The following MAP2K6 variants were observed in gnomAD, a reference collection of about 807,000 sequenced individuals.
The protein encoded by MAP2K6 is mitogen-activated protein kinase kinase 6, also known as dual specificity mitogen-activated protein kinase kinase 6.
MAP2K6 carries 16 observed loss-of-function variants against 53.7 expected under a neutral mutation model. The ratio of observed to expected loss-of-function variants is 0.30; its 90% CI spans 0.20 to 0.45. MAP2K6 has a LOEUF of 0.45. Among genes scored for constraint, MAP2K6 ranks in the 20% least tolerant of loss-of-function variants. The pLI, the probability that MAP2K6 is intolerant of heterozygous loss-of-function variation, is 1.00. For synonymous variants in MAP2K6, 132 were observed against 143.1 expected (o/e 0.92, Z 0.55); for missense variants, 204 against 411.9 (o/e 0.50, Z 4.37).
At chr17:69,440,373 A>C (rs990963299) in intron 1 of MAP2K6, among the ~76,000 whole-genome samples, 2 of 152,060 alleles carry the variant, frequency 1.3e-5, no homozygotes, top group East Asian at 1.9e-4. Flanking sequence ...TGTACTTTCC[A>C]ATCAGTATGC....
chr17:69,449,860 G>A (rs1299242607), intron 1 of MAP2K6, among the ~76,000 whole-genome samples: 1 of 151,182 alleles, frequency 6.6e-6, no homozygotes, highest in Admixed American at 6.6e-5. Context: ...TGATCCGCCC[G>A]CCTCGGCTTC....
At chr17:69,510,225 CTTCTTTGAT>C (rs1224848135) in intron 2 of MAP2K6, among the ~76,000 whole-genome samples, 2 of 152,100 alleles carry the variant, frequency 1.3e-5, no homozygotes, top group Non-Finnish European at 2.9e-5. Context: ...TAAGATTTTT[CTTCTTTGAT>C]CTGTCGATAT....
Position 69,543,550 on chromosome 17 carries a change from G to A in MAP2K6, c.*1797G>A, listed in dbSNP as rs1242853810. ...GCCAGAAAAGGAGTATCACCCTAGT[G>A]ATTATGGCTGTTCACTTTCCCATCT... On this transcript the variant is annotated 3_prime_UTR_variant, in exon 12 of 12. Transcript: ENST00000590474. 2 of 152,118 alleles carry A rather than the reference G, an allele frequency of 1.3e-5. No homozygotes were observed. Among genetic ancestry groups the A allele is most frequent in the African/African-American group, 2.4e-5 (1 of 41,418 alleles). The allele number at this position is 152,118 out of a possible 1,614,324, so 9.4% of individuals were successfully genotyped here. A position where few individuals can be genotyped will look rare whatever the true frequency, so the allele number is the denominator to read the frequency against.
At chr17:69,489,443 TG>T (rs1908664035) in intron 1 of MAP2K6, among the ~76,000 whole-genome samples, 1 of 152,208 alleles carries the variant, frequency 6.6e-6, no homozygotes, top group Admixed American at 6.5e-5. Flanking sequence ...TATTTCAAGG[TG>T]ACTGCCTGGA....
intron 1 of MAP2K6, among the ~76,000 whole-genome samples, chr17:69,443,321 C>A: frequency 6.6e-6 from 1 of 152,136 alleles, no homozygotes. Context: ...AGTAACCAAG[C>A]AATAGACCAT....
At chr17:69,449,525 TTCTTTG>T (rs1444830836) in intron 1 of MAP2K6, among the ~76,000 whole-genome samples, 1 of 116,168 alleles carries the variant, frequency 8.6e-6, no homozygotes, top group Non-Finnish European at 1.8e-5. Context: ...TTGTCTTTCT[TTCTTTG>T]TCTTTCTTTC....
intron 1 of MAP2K6, among the ~76,000 whole-genome samples, chr17:69,466,844 G>C (rs1419470209): frequency 2.6e-5 from 4 of 152,154 alleles, no homozygotes; most frequent in African/African-American, 9.7e-5. Flanking sequence ...TATGTTATCA[G>C]TTAAATAGGC....
intron 1 of MAP2K6, among the ~76,000 whole-genome samples, chr17:69,464,777 G>C (rs1414161171): frequency 6.6e-6 from 1 of 152,052 alleles, no homozygotes; most frequent in African/African-American, 2.4e-5. Context: ...GTGCAGTGGT[G>C]TGATCTCAGC....
intron 1 of MAP2K6, among the ~76,000 whole-genome samples, chr17:69,447,494 C>T (rs1006858023): frequency 2.6e-5 from 4 of 151,896 alleles, no homozygotes; most frequent in African/African-American, 4.8e-5. Flanking sequence ...TACAGGCACC[C>T]GCCACCATGC....
intron 10 of MAP2K6, among the ~76,000 whole-genome samples, chr17:69,535,036 T>C (rs1007937507): frequency 6.6e-6 from 1 of 151,688 alleles, no homozygotes; most frequent in African/African-American, 2.4e-5. Flanking sequence ...GGGCTGAGAA[T>C]GGGGTGATGG....
chr17:69,440,349 A>G (rs1906777576), intron 1 of MAP2K6, among the ~76,000 whole-genome samples: 1 of 152,242 alleles, frequency 6.6e-6, no homozygotes, highest in East Asian at 1.9e-4. Context: ...CGCCTGGCCT[A>G]GACTTGAACC....
In MAP2K6 at chr17:69,551,159, G is replaced by C. The variant is rs1912083238; in HGVS notation, c.*9406G>C. The C allele has an allele frequency of 6.6e-6, 1 of 152,132 alleles. No homozygotes were observed. Among genetic ancestry groups the C allele is most frequent in the Non-Finnish European group, 1.5e-5 (1 of 68,040 alleles). The allele number at this position is 152,132 out of a possible 1,614,324, so 9.4% of individuals were successfully genotyped here. ...GCTCTTCATATGCAGTGGAATTTTT[G>C]CATCTCTAGGTTTGCAGAGGCAGGA... On this transcript the variant is annotated 3_prime_UTR_variant, in exon 12 of 12. Transcript: ENST00000590474.
At chr17:69,473,339 G>T (rs1385588255) in intron 1 of MAP2K6, among the ~76,000 whole-genome samples, 1 of 152,026 alleles carries the variant, frequency 6.6e-6, no homozygotes, top group East Asian at 1.9e-4. Flanking sequence ...GGATAAAAAT[G>T]GTATTAAAAA....
intron 1 of MAP2K6, among the ~76,000 whole-genome samples, chr17:69,489,938 C>T (rs1051387732): frequency 6.6e-6 from 1 of 152,202 alleles, no homozygotes; most frequent in East Asian, 1.9e-4. Context: ...CTCTCACAAA[C>T]GTCCAGCTTC....
At chr17:69,484,837 G>C (rs770223813) in intron 1 of MAP2K6, among the ~76,000 whole-genome samples, 3 of 152,050 alleles carry the variant, frequency 2.0e-5, no homozygotes, top group Admixed American at 1.3e-4. Context: ...TGCACATATT[G>C]TATAATTTCA....
At chr17:69,485,583 A>T (rs960010584) in intron 1 of MAP2K6, 2 of 335,346 alleles carry the variant, frequency 6.0e-6, no homozygotes, top group Non-Finnish European at 8.5e-6. Flanking sequence ...CCCATGGGAA[A>T]TCTTGGCAGA....
At position 69,545,358 on chromosome 17, in the gene MAP2K6, G is replaced by A. The variant is rs1412860854; in HGVS notation, c.*3605G>A. On this transcript the variant is annotated 3_prime_UTR_variant, in exon 12 of 12. Transcript: ENST00000590474. Reference sequence around the variant, plus strand: ...CTATGATTGAAGGTCCTGATGTGGGGGAATAATCTATTTTTTCTAAAGACT... The same window carrying A: ...CTATGATTGAAGGTCCTGATGTGGGAGAATAATCTATTTTTTCTAAAGACT... The A allele has an allele frequency of 6.6e-6, 1 of 152,108 alleles. No individual in the cohort carries two copies. The highest frequency in any genetic ancestry group is 1.5e-5 in the Non-Finnish European group (1 of 68,022). 9.4% of individuals were successfully genotyped at this position (152,108 alleles called of 1,614,324 possible).
intron 2 of MAP2K6, among the ~76,000 whole-genome samples, chr17:69,506,587 A>G (rs1036112195): frequency 6.6e-6 from 1 of 152,150 alleles, no homozygotes; most frequent in Non-Finnish European, 1.5e-5. Flanking sequence ...GGGCATCCTA[A>G]TGGAAAAGTG....
In MAP2K6 at chr17:69,524,926, A is replaced by G. The variant is rs201074921; in HGVS notation, c.689A>G (p.Asn230Ser). The G allele has an allele frequency of 1.2e-6, 2 of 1,613,154 alleles. No individual in the cohort carries two copies. Among genetic ancestry groups the G allele is most frequent in the East Asian group, 2.2e-5 (1 of 44,854 alleles). ...MAPERINPEL[N>S]QKGYSVKSDI... ...CCTGAAAGAATAAACCCAGAGCTCA[A>G]CCAGAAGGGATACAGTGTGAAGTCT... The change falls in exon 9 of 12, where the codon AAC becomes AGC. Residue 230 changes from asparagine (N) to serine (S), a missense_variant. Physicochemically the swap from Asn to Ser is conservative, Grantham distance 46. Transcript: ENST00000590474.
Sources: allele counts gnomAD v4.1 joint callset (sites outside exome capture counted in the v4.1 genomes callset), GRCh38; gene constraint gnomAD v4.1.1; transcripts MANE v1.5; gene names NCBI Gene and HGNC (gene_info 2026-07-23, HGNC 2026-07-21).